Variants in DEPDC1B observed in about 807,000 individuals in gnomAD.
The protein encoded by DEPDC1B is DEP domain-containing protein 1B.
Under a neutral mutation model 66.5 loss-of-function variants are expected in DEPDC1B, and 51 were observed. The observed-to-expected ratio is 0.77, with a 90% confidence interval of 0.61 to 0.97. The LOEUF is 0.97. Ranked by LOEUF, DEPDC1B falls within the 50% of genes least tolerant of loss-of-function variation. The pLI is 0.00. For missense variants in DEPDC1B, 552 were observed against 637.1 expected (o/e 0.87, Z 1.44); for synonymous variants, 226 against 223.6 (o/e 1.01, Z -0.10).
intron 1 of DEPDC1B, 108 bp from the exon 2 acceptor site, chr5:60,687,335 T>C (rs1584104384): frequency 7.7e-7 from 1 of 1,302,868 alleles, no homozygotes; most frequent in East Asian, 2.4e-5. Context: ...TAAACTGCTT[T>C]AATAACAGGT....
chr5:60,612,199 G>T (rs1029461228), intron 7 of DEPDC1B, among the ~76,000 whole-genome samples: 7 of 151,974 alleles, frequency 4.6e-5, no homozygotes, highest in Admixed American at 2.0e-4. Flanking sequence ...GAGGTGAGTG[G>T]ATCACCTGAG....
chr5:60,622,030 TA>T (rs111806398), intron 7 of DEPDC1B, among the ~76,000 whole-genome samples: 24 of 149,500 alleles, frequency 1.6e-4, no homozygotes, highest in South Asian at 1.1e-3. Context: ...CATGATGCTT[TA>T]AAAAAAAAAG....
chr5:60,647,685 C>T, intron 2 of DEPDC1B, 152 bp from the exon 3 acceptor site: 3 of 686,654 alleles, frequency 4.4e-6, no homozygotes, highest in East Asian at 3.3e-5. Context: ...TTTTAAACTG[C>T]TCTATACCAT....
chr5:60,664,264 A>G (rs768363896), intron 2 of DEPDC1B, among the ~76,000 whole-genome samples: 10 of 152,210 alleles, frequency 6.6e-5, no homozygotes, highest in Non-Finnish European at 1.3e-4. Context: ...GAGTAAGGAA[A>G]TTTATGTAGT....
At chr5:60,625,615 C>T (rs1015331230) in intron 7 of DEPDC1B, among the ~76,000 whole-genome samples, 6 of 152,158 alleles carry the variant, frequency 3.9e-5, no homozygotes, top group Non-Finnish European at 7.3e-5. Context: ...TAAACAACCA[C>T]ACCAAGATAT....
chr5:60,667,659 G>GGATATTTTACA (rs1561383895), intron 2 of DEPDC1B, among the ~76,000 whole-genome samples: 31 of 37,166 alleles, frequency 8.3e-4, no homozygotes, highest in Admixed American at 2.9e-3. Flanking sequence ...TATTTTACAT[G>GGATATTTTACA]TATATAATGG....
chr5:60,696,982 T>G (rs1247002745), intron 1 of DEPDC1B, among the ~76,000 whole-genome samples: 1 of 152,234 alleles, frequency 6.6e-6, no homozygotes, highest in Non-Finnish European at 1.5e-5. Context: ...CTTGCCATTC[T>G]AACTCTCAGA....
intron 2 of DEPDC1B, among the ~76,000 whole-genome samples, chr5:60,663,960 G>C (rs530302892): frequency 6.6e-6 from 1 of 152,354 alleles, no homozygotes; most frequent in South Asian, 2.1e-4. Context: ...AAGCAATTAA[G>C]AGGTTCCTTG....
chr5:60,622,633 T>A (rs1584038592), intron 7 of DEPDC1B, among the ~76,000 whole-genome samples: 1 of 152,226 alleles, frequency 6.6e-6, no homozygotes, highest in Non-Finnish European at 1.5e-5. Context: ...AAAGTGGCTG[T>A]GTCATTTCAC....
chr5:60,612,885 C>G (rs1752452075), intron 7 of DEPDC1B, among the ~76,000 whole-genome samples: 1 of 152,102 alleles, frequency 6.6e-6, no homozygotes, highest in African/African-American at 2.4e-5. Flanking sequence ...TCATATTGTT[C>G]TGGTTTCCAT....
rs1753271909 is a variant in DEPDC1B at position 60,644,801 on chromosome 5, A to G, written c.653T>C (p.Ile218Thr). 1.2e-6 allele frequency: 2 copies of G among 1,611,630 alleles called. No homozygotes were observed. The change falls in exon 5 of 11, where the codon ATC becomes ACC. Residue 218 changes from isoleucine (I) to threonine (T), a missense_variant. Ile to Thr is a moderately conservative substitution (Grantham distance 89, BLOSUM62 -1). Coordinates refer to ENST00000265036, the MANE Select transcript of DEPDC1B (RefSeq NM_018369.3). ...CTTGCTAACACTATATACATTATGGATGATGAACTTCGAATTGACAAGTTT... is the reference window on the plus strand; with the variant it reads ...CTTGCTAACACTATATACATTATGGGTGATGAACTTCGAATTGACAAGTTT... Reference protein sequence around the residue: ...DVKLVNSKFIIHNVYSVSKQG... With the variant: ...DVKLVNSKFITHNVYSVSKQG...
intron 1 of DEPDC1B, among the ~76,000 whole-genome samples, 178 bp downstream of exon 1, chr5:60,699,868 G>C (rs1289356902): frequency 1.3e-5 from 2 of 152,228 alleles, no homozygotes; most frequent in Non-Finnish European, 2.9e-5. Flanking sequence ...TCTGGGCCCC[G>C]TTAGCCTTTC....
chr5:60,650,986 T>C (rs991766810), intron 2 of DEPDC1B, among the ~76,000 whole-genome samples: 1 of 152,280 alleles, frequency 6.6e-6, no homozygotes, highest in Non-Finnish European at 1.5e-5. Context: ...TGAAGCTCCC[T>C]CTTGGAAACC....
chr5:60,667,355 A>G (rs1186194746), intron 2 of DEPDC1B, among the ~76,000 whole-genome samples: 1 of 151,506 alleles, frequency 6.6e-6, no homozygotes, highest in African/African-American at 2.4e-5. Context: ...GAATACATAT[A>G]TATATAAAAT....
rs1312100640 is a variant in DEPDC1B, at chr5:60,663,061, T to C, written c.315-15528A>G. ...CTAATTATGCCTGAAAGCCCACTCCTTTGTTAGGGAAATACATTCTAGCAA... is the reference window on the plus strand; with the variant it reads ...CTAATTATGCCTGAAAGCCCACTCCCTTGTTAGGGAAATACATTCTAGCAA... On this transcript the variant is annotated intron_variant, in intron 2 of 10. Coordinates refer to ENST00000265036, the MANE Select transcript of DEPDC1B (RefSeq NM_018369.3). 1.4e-4 allele frequency among the ~76,000 whole-genome samples: 22 copies of C among 152,174 alleles called. No individual in the cohort carries two copies. The East Asian group carries it at 4.2e-3, about 29-fold the overall frequency.
intron 7 of DEPDC1B, among the ~76,000 whole-genome samples, chr5:60,607,968 T>C (rs1013403062): frequency 6.6e-6 from 1 of 152,100 alleles, no homozygotes; most frequent in African/African-American, 2.4e-5. Flanking sequence ...GTAGGCTATA[T>C]CATTAAAGAC....
chr5:60,612,458 T>C (rs1170214541), intron 7 of DEPDC1B, among the ~76,000 whole-genome samples: 1 of 149,966 alleles, frequency 6.7e-6, no homozygotes, highest in Non-Finnish European at 1.5e-5. Context: ...GCTACATCTA[T>C]TCTACCTGTG....
chr5:60,632,443 T>C (rs1752947135), intron 7 of DEPDC1B, among the ~76,000 whole-genome samples: 2 of 152,222 alleles, frequency 1.3e-5, no homozygotes, highest in South Asian at 4.1e-4. Context: ...CCCCAAATCC[T>C]GCAACCTCCA....
intron 7 of DEPDC1B, among the ~76,000 whole-genome samples, chr5:60,632,000 A>G (rs1028246974): frequency 6.6e-6 from 1 of 152,226 alleles, no homozygotes; most frequent in Non-Finnish European, 1.5e-5. Flanking sequence ...ACTGTTCAAC[A>G]TGAATGATGT....
Sources: allele counts gnomAD v4.1 joint callset (sites outside exome capture counted in the v4.1 genomes callset), GRCh38; gene constraint gnomAD v4.1.1; transcripts MANE v1.5; gene names NCBI Gene and HGNC (gene_info 2026-07-23, HGNC 2026-07-21).